The following FLI1 variants were observed in gnomAD, a reference collection of about 807,000 sequenced individuals.
The protein encoded by FLI1 is Friend leukemia integration 1 transcription factor.
In FLI1, 13 loss-of-function variants were observed where a neutral mutation model predicts 53.1. The observed-to-expected ratio is 0.24, with a 90% confidence interval of 0.16 to 0.39. The LOEUF (loss-of-function observed/expected upper bound fraction) is 0.39. Ranked by LOEUF, FLI1 falls within the 10% of genes least tolerant of loss-of-function variation. FLI1 has a pLI of 1.00. For synonymous variants in FLI1, 244 were observed against 236.7 expected (o/e 1.03, Z -0.28); for missense variants, 424 against 600.5 (o/e 0.71, Z 3.07).
At chr11:128,743,920 T>C (rs563452147) in intron 1 of FLI1, among the ~76,000 whole-genome samples, 28 of 152,304 alleles carry the variant, frequency 1.8e-4, no homozygotes, top group African/African-American at 6.0e-4. Context: ...TGCTGGACTG[T>C]CCAGGCTTAG....
upstream of FLI1, chr11:128,686,215 G>A (rs1214099554): frequency 1.0e-5 from 4 of 384,458 alleles, no homozygotes; most frequent in East Asian, 7.3e-5. Context: ...CTGCAAGAAA[G>A]GGGAGTCCTA....
chr11:128,742,819 A>G (rs1441574909), intron 1 of FLI1, among the ~76,000 whole-genome samples: 1 of 152,210 alleles, frequency 6.6e-6, no homozygotes, highest in East Asian at 1.9e-4. Flanking sequence ...ACGAGTATGC[A>G]TTTGTTGGTT....
At chr11:128,799,292 C>T (rs664720) in intron 5 of FLI1, among the ~76,000 whole-genome samples, 13,908 of 152,022 alleles carry the variant, frequency 0.091, 775 homozygotes, top group Non-Finnish European at 0.12. Flanking sequence ...TTATAGCCCT[C>T]AGGCTTCTCT....
At chr11:128,698,790 C>A (rs1938199566) in intron 1 of FLI1, among the ~76,000 whole-genome samples, 2 of 151,588 alleles carry the variant, frequency 1.3e-5, no homozygotes, top group Admixed American at 1.3e-4. Context: ...GAATTTGGCA[C>A]TTTACACTAA....
At chr11:128,687,188 C>A (rs1937594971) in intron 1 of FLI1, among the ~76,000 whole-genome samples, 1 of 152,238 alleles carries the variant, frequency 6.6e-6, no homozygotes, top group African/African-American at 2.4e-5. Context: ...CGCGCTCAGT[C>A]CTCGAGCCCA....
intron 5 of FLI1, among the ~76,000 whole-genome samples, chr11:128,784,861 G>A (rs61909386): frequency 0.17 from 25,210 of 152,074 alleles, 2,700 homozygotes; most frequent in Middle Eastern, 0.26. Context: ...CCAGAGCTGT[G>A]TGTGTGTGTG....
chr11:128,765,970 G>A (rs1233968440), intron 2 of FLI1, among the ~76,000 whole-genome samples: 1 of 152,224 alleles, frequency 6.6e-6, no homozygotes, highest in Non-Finnish European at 1.5e-5. Context: ...GTCTGTGCAT[G>A]TGTGTTGAAG....
At chr11:128,793,818 C>G (rs1942349865) in intron 5 of FLI1, among the ~76,000 whole-genome samples, 1 of 152,190 alleles carries the variant, frequency 6.6e-6, no homozygotes, top group South Asian at 2.1e-4. Context: ...GGTAAACCTC[C>G]AAGTGGGGCA....
intron 5 of FLI1, among the ~76,000 whole-genome samples, chr11:128,798,680 T>C (rs1328254585): frequency 2.0e-5 from 3 of 152,120 alleles, no homozygotes; most frequent in Non-Finnish European, 1.5e-5. Context: ...GGGAAAGCGT[T>C]CCCTGGATAT....
intron 1 of FLI1, among the ~76,000 whole-genome samples, chr11:128,737,148 C>G (rs908519156): frequency 6.6e-6 from 1 of 152,140 alleles, no homozygotes. Flanking sequence ...TTTGTTGAAT[C>G]CAGCTAGCTA....
intron 1 of FLI1, among the ~76,000 whole-genome samples, chr11:128,735,394 T>C (rs2135761267): frequency 6.6e-6 from 1 of 152,364 alleles, no homozygotes; most frequent in Non-Finnish European, 1.5e-5. Context: ...ATAGAAGTAA[T>C]CATGGTTATC....
chr11:128,724,191 C>T (rs951593860), intron 1 of FLI1, among the ~76,000 whole-genome samples: 10 of 152,090 alleles, frequency 6.6e-5, no homozygotes, highest in African/African-American at 1.7e-4. Context: ...GTGATCCACC[C>T]GCCTTGGCCT....
chr11:128,733,634 G>T (rs183622759), intron 1 of FLI1, among the ~76,000 whole-genome samples: 2 of 152,256 alleles, frequency 1.3e-5, no homozygotes, highest in African/African-American at 4.8e-5. Flanking sequence ...GATCACATTC[G>T]CCATTTGGAC....
At chr11:128,687,876 GA>G (rs754572581) in intron 1 of FLI1, among the ~76,000 whole-genome samples, 1 of 152,322 alleles carries the variant, frequency 6.6e-6, no homozygotes. Context: ...CTGAGTGAGT[GA>G]ATGAATGAAT....
chr11:128,802,679 C>A (rs1476188691), intron 5 of FLI1, among the ~76,000 whole-genome samples: 2 of 152,218 alleles, frequency 1.3e-5, no homozygotes, highest in Admixed American at 6.5e-5. Context: ...GGCCTGTGGG[C>A]ACATTGACCC....
At chr11:128,754,844 C>A (rs1940798804) in intron 1 of FLI1, among the ~76,000 whole-genome samples, 2 of 152,362 alleles carry the variant, frequency 1.3e-5, no homozygotes, top group South Asian at 4.1e-4. Flanking sequence ...TCCCGGTGAA[C>A]CGGGACGCTC....
chr11:128,716,877 C>A (rs1348844001), intron 1 of FLI1, among the ~76,000 whole-genome samples: 1 of 152,148 alleles, frequency 6.6e-6, no homozygotes, highest in African/African-American at 2.4e-5. Context: ...TGTTTACAGA[C>A]CCTGTACTTT....
chr11:128,789,593 G>A lies in FLI1; in HGVS notation c.655+7570G>A, dbSNP rs956502900. ...TATTTCTCCGGGCGAAGAGTTTCCC[G>A]AGGAGGGCATCTTTGTCCCTCGCGA... On this transcript the variant is annotated intron_variant, in intron 5 of 8. Coordinates refer to ENST00000527786, the MANE Select transcript of FLI1 (RefSeq NM_002017.5). 2.0e-5 allele frequency among the ~76,000 whole-genome samples: 3 copies of A among 152,184 alleles called. No homozygotes were observed. In the South Asian group the frequency reaches 6.2e-4, roughly 31 times the overall value.
intron 1 of FLI1, among the ~76,000 whole-genome samples, chr11:128,742,931 T>TC (rs1259493561): frequency 2.0e-5 from 3 of 152,142 alleles, no homozygotes; most frequent in Non-Finnish European, 4.4e-5. Flanking sequence ...ACCACAAGGT[T>TC]CCCCATGGAC....
Sources: allele counts gnomAD v4.1 joint callset (sites outside exome capture counted in the v4.1 genomes callset), GRCh38; gene constraint gnomAD v4.1.1; transcripts MANE v1.5; gene names NCBI Gene and HGNC (gene_info 2026-07-23, HGNC 2026-07-21).